Variants in ZEB2 observed in about 807,000 individuals in gnomAD.
ZEB2 encodes the protein zinc finger E-box-binding homeobox 2.
A neutral mutation model predicts 99.9 loss-of-function variants in ZEB2; 6 were observed. That is an observed-to-expected ratio of 0.06 (90% CI 0.03 to 0.12). The LOEUF (loss-of-function observed/expected upper bound fraction) is 0.12. Ranked by LOEUF, ZEB2 falls within the 10% of genes least tolerant of loss-of-function variation. The pLI is 1.00. For synonymous variants in ZEB2, 517 were observed against 542.5 expected (o/e 0.95, Z 0.65); for missense variants, 969 against 1,502.8 (o/e 0.64, Z 5.87).
intron 5 of ZEB2, among the ~76,000 whole-genome samples, 173 bp from the exon 6 acceptor site, chr2:144,404,303 C>T (rs1186158326): frequency 1.4e-5 from 2 of 139,870 alleles, no homozygotes; most frequent in Non-Finnish European, 1.5e-5. Flanking sequence ...ATGCCCAGGA[C>T]AGACTTGTCG....
At chr2:144,438,213 G>A (rs1232775338) in intron 2 of ZEB2, among the ~76,000 whole-genome samples, 1 of 152,150 alleles carries the variant, frequency 6.6e-6, no homozygotes, top group South Asian at 2.1e-4. Flanking sequence ...GACCTATTTG[G>A]TGACTTTCTT....
At chr2:144,498,142 A>G (rs1374359940) in intron 2 of ZEB2, among the ~76,000 whole-genome samples, 3 of 110,290 alleles carry the variant, frequency 2.7e-5, no homozygotes, top group Non-Finnish European at 5.2e-5. Flanking sequence ...ATTATATAAT[A>G]TACTATATAT....
At chr2:144,517,450 A>C (rs761432224) in intron 1 of ZEB2, 31 bp from the exon 2 acceptor site, 1 of 1,459,470 alleles carries the variant, frequency 6.9e-7, no homozygotes. Context: ...CAATGTGGGC[A>C]TCGCCCGCGC....
intron 2 of ZEB2, chr2:144,450,397 A>T (rs1486200408): frequency 6.6e-6 from 1 of 152,228 alleles, no homozygotes; most frequent in Admixed American, 6.5e-5. Context: ...TCTTCAAAAA[A>T]ATCAATCTCT....
intron 4 of ZEB2, among the ~76,000 whole-genome samples, chr2:144,411,772 T>C (rs1394792129): frequency 6.6e-6 from 1 of 152,208 alleles, no homozygotes; most frequent in Non-Finnish European, 1.5e-5. Flanking sequence ...GAGTTTCTCA[T>C]GTAAGAGAGC....
At chr2:144,476,745 C>CA (rs1030990065) in intron 2 of ZEB2, among the ~76,000 whole-genome samples, 1 of 152,186 alleles carries the variant, frequency 6.6e-6, no homozygotes, top group Non-Finnish European at 1.5e-5. Context: ...AAGATGCTCC[C>CA]AAAGTTCTAC....
chr2:144,445,460 C>T (rs1441416329), intron 2 of ZEB2, among the ~76,000 whole-genome samples: 1 of 152,070 alleles, frequency 6.6e-6, no homozygotes, highest in Non-Finnish European at 1.5e-5. Flanking sequence ...CTCTCACTCT[C>T]CCTCTCTCTC....
chr2:144,458,271 C>A (rs767565825), intron 2 of ZEB2, among the ~76,000 whole-genome samples: 5 of 152,050 alleles, frequency 3.3e-5, no homozygotes, highest in Non-Finnish European at 7.4e-5. Flanking sequence ...GTTTTCATAA[C>A]ATCTTAAAAT....
intron 4 of ZEB2, among the ~76,000 whole-genome samples, chr2:144,418,662 C>A (rs55636104): frequency 1.3e-5 from 2 of 150,566 alleles, no homozygotes; most frequent in Admixed American, 1.3e-4. Context: ...CACTCCAGCC[C>A]GGGCAAAAAG....
chr2:144,452,426 A>T (rs1704066654), intron 2 of ZEB2, among the ~76,000 whole-genome samples: 1 of 152,206 alleles, frequency 6.6e-6, no homozygotes, highest in East Asian at 1.9e-4. Context: ...ACAAATAGTG[A>T]TGCAGCACAG....
chr2:144,446,715 T>C (rs541556155), intron 2 of ZEB2, among the ~76,000 whole-genome samples: 1 of 152,196 alleles, frequency 6.6e-6, no homozygotes, highest in Non-Finnish European at 1.5e-5. Context: ...ATGGGCACCG[T>C]ACCAAAGACT....
chr2:144,510,554 A>G (rs1022784060), intron 2 of ZEB2, among the ~76,000 whole-genome samples: 12 of 152,260 alleles, frequency 7.9e-5, no homozygotes, highest in African/African-American at 2.2e-4. Context: ...CAGACATGCC[A>G]TCTTGTAACA....
chr2:144,475,027 C>A (rs541994005), intron 2 of ZEB2, among the ~76,000 whole-genome samples: 10 of 152,238 alleles, frequency 6.6e-5, no homozygotes, highest in Middle Eastern at 3.4e-3. Context: ...TTAAAGGAAA[C>A]TCCAAAAGCT....
At chr2:144,440,472 G>T (rs1703890589) in intron 2 of ZEB2, among the ~76,000 whole-genome samples, 2 of 135,940 alleles carry the variant, frequency 1.5e-5, no homozygotes, top group South Asian at 2.2e-4. Flanking sequence ...TTCAACCTCA[G>T]TACCCAAAAG....
intron 2 of ZEB2, among the ~76,000 whole-genome samples, chr2:144,487,459 A>C (rs1368619717): frequency 6.6e-6 from 1 of 152,196 alleles, no homozygotes; most frequent in Non-Finnish European, 1.5e-5. Flanking sequence ...GCTTGCCATA[A>C]AACAGGCAAA....
At chr2:144,458,106 C>T (rs1704144906) in intron 2 of ZEB2, among the ~76,000 whole-genome samples, 1 of 151,666 alleles carries the variant, frequency 6.6e-6, no homozygotes, top group Non-Finnish European at 1.5e-5. Flanking sequence ...GTTTTCATTG[C>T]TACTTTAATA....
chr2:144,496,724 T>C (rs1704764848), intron 2 of ZEB2: 1 of 152,152 alleles, frequency 6.6e-6, no homozygotes, highest in Non-Finnish European at 1.5e-5. Flanking sequence ...AAAATAATAG[T>C]ACCCATTTCA....
chr2:144,494,042 C>T (rs1704723354), intron 2 of ZEB2, among the ~76,000 whole-genome samples: 1 of 147,630 alleles, frequency 6.8e-6, no homozygotes, highest in South Asian at 2.2e-4. Context: ...GTCCCAGCTA[C>T]TCGGGAGGCT....
chr2:144,444,824 TTTAA>T (rs1321229643), intron 2 of ZEB2: 1 of 152,148 alleles, frequency 6.6e-6, no homozygotes, highest in Non-Finnish European at 1.5e-5. Flanking sequence ...ATAAAGAATG[TTTAA>T]TTGTTAGATG....
Sources: gnomAD v4.1 joint callset for allele counts (sites outside exome capture counted in the v4.1 genomes callset) on GRCh38, gnomAD v4.1.1 for gene constraint, MANE v1.5 for transcripts, NCBI Gene and HGNC (gene_info 2026-07-23, HGNC 2026-07-21) for gene names.